Variants in B3GLCT observed in about 807,000 individuals in gnomAD.
B3GLCT encodes the protein beta-1,3-glucosyltransferase.
Under a neutral mutation model 63.4 loss-of-function variants are expected in B3GLCT, and 65 were observed. That is an observed-to-expected ratio of 1.03 (90% CI 0.84 to 1.26). The LOEUF (loss-of-function observed/expected upper bound fraction) is 1.26, where lower values mean the gene tolerates loss of function less well. B3GLCT is among the 50% of genes most tolerant of loss of function. The pLI, the probability that B3GLCT is intolerant of heterozygous loss-of-function variation, is 0.00. For synonymous variants in B3GLCT, 233 were observed against 219.2 expected (o/e 1.06, Z -0.55); for missense variants, 577 against 604.8 (o/e 0.95, Z 0.48).
intron 14 of B3GLCT, among the ~76,000 whole-genome samples, chr13:31,329,121 AC>A (rs1489389805): frequency 6.6e-6 from 1 of 152,166 alleles, no homozygotes; most frequent in African/African-American, 2.4e-5. Flanking sequence ...CAACAAACTT[AC>A]GGCCAGTTTC....
intron 1 of B3GLCT, among the ~76,000 whole-genome samples, chr13:31,202,783 A>C (rs1593240715): frequency 6.6e-6 from 1 of 152,190 alleles, no homozygotes; most frequent in East Asian, 1.9e-4. Context: ...AGTGGATCTG[A>C]GGGATGGAGC....
intron 6 of B3GLCT, chr13:31,260,345 T>G (rs1031977062): frequency 6.6e-6 from 1 of 152,364 alleles, no homozygotes; most frequent in Non-Finnish European, 1.5e-5. Context: ...CATCTCAGTT[T>G]GTTACATCAT....
chr13:31,266,983 C>A (rs1872355686), intron 7 of B3GLCT, among the ~76,000 whole-genome samples: 1 of 152,108 alleles, frequency 6.6e-6, no homozygotes, highest in African/African-American at 2.4e-5. Flanking sequence ...GTTGGCCAGG[C>A]TGGTCTTGAA....
At chr13:31,204,338 A>G (rs894521524) in intron 1 of B3GLCT, among the ~76,000 whole-genome samples, 2 of 152,228 alleles carry the variant, frequency 1.3e-5, no homozygotes, top group African/African-American at 2.4e-5. Context: ...ACAAAGGCAC[A>G]GGACAGTTCC....
chr13:31,239,699 T>C (rs1165633937), intron 4 of B3GLCT, among the ~76,000 whole-genome samples: 31 of 149,702 alleles, frequency 2.1e-4, no homozygotes, highest in Non-Finnish European at 4.0e-4. Flanking sequence ...TTTTTTTTTT[T>C]CCTTCTAGAA....
At chr13:31,238,558 G>A (rs1350454000) in intron 4 of B3GLCT, among the ~76,000 whole-genome samples, 2 of 152,216 alleles carry the variant, frequency 1.3e-5, no homozygotes, top group African/African-American at 4.8e-5. Context: ...TTAGTAGAAT[G>A]CGTATTCTCG....
intron 12 of B3GLCT, among the ~76,000 whole-genome samples, chr13:31,287,171 A>G (rs1308134939): frequency 6.6e-6 from 1 of 152,156 alleles, no homozygotes; most frequent in Non-Finnish European, 1.5e-5. Flanking sequence ...GTCTCAGGAG[A>G]CCAAGGCTAT....
At position 31,323,885 on chromosome 13, in the gene B3GLCT, T is replaced by C. The variant is rs1010301594; in HGVS notation, c.1319T>C (p.Leu440Pro). Residue 440 changes from leucine (L) to proline (P), a missense_variant, in exon 14 of 15, where the codon CTC becomes CCC. By Grantham distance (98) the Leu-to-Pro change is moderately conservative (BLOSUM62 -3). Transcript: ENST00000343307. ...GGAATCCCTGTGACACACAGCCCTC[T>C]CTTCCATCAGGTGAGGAAATGGTTT... ...GLGIPVTHSP[L>P]FHQARPVDYP... is the part of the protein sequence containing the mutation. The C allele has an allele frequency of 1.9e-6, 3 of 1,614,102 alleles. No individual in the cohort carries two copies. In the African/African-American group the frequency reaches 4.0e-5, roughly 22 times the overall value.
chr13:31,233,244 CCG>C (rs1870471803), intron 4 of B3GLCT, among the ~76,000 whole-genome samples: 1 of 152,058 alleles, frequency 6.6e-6, no homozygotes, highest in African/African-American at 2.4e-5. Context: ...CTCAGTGAAA[CCG>C]CAGAGTTTAG....
At chr13:31,210,224 C>T (rs1420846708) in intron 1 of B3GLCT, among the ~76,000 whole-genome samples, 1 of 152,120 alleles carries the variant, frequency 6.6e-6, no homozygotes, top group African/African-American at 2.4e-5. Context: ...AATATAGTTC[C>T]CTGTTGCAGT....
intron 10 of B3GLCT, among the ~76,000 whole-genome samples, chr13:31,283,462 C>T (rs1028234949): frequency 6.6e-6 from 1 of 152,128 alleles, no homozygotes; most frequent in Non-Finnish European, 1.5e-5. Flanking sequence ...TTATTTAGTA[C>T]ATCTTTGACC....
At chr13:31,244,712 TCTG>T (rs1490874831) in intron 4 of B3GLCT, among the ~76,000 whole-genome samples, 1 of 152,170 alleles carries the variant, frequency 6.6e-6, no homozygotes, top group Non-Finnish European at 1.5e-5. Context: ...TAATATTACA[TCTG>T]TTTGGGTCTC....
chr13:31,226,735 A>T lies in B3GLCT; in HGVS notation c.161-2450A>T, dbSNP rs553327249. Among the ~76,000 whole-genome samples the T allele has an allele frequency of 4.0e-4, 61 of 152,262 alleles. No individual in the cohort carries two copies. The East Asian group carries it at 0.011, about 28-fold the overall frequency. On this transcript the variant is annotated intron_variant, in intron 3 of 14. Transcript: ENST00000343307. ...CAGGTGCATGCCACCATGCCCAGCT[A>T]GGATTAACCTTTTGATAGAGAAATC...
intron 12 of B3GLCT, among the ~76,000 whole-genome samples, chr13:31,288,335 A>AT (rs1873453362): frequency 1.3e-5 from 2 of 152,152 alleles, no homozygotes. Context: ...TACTGCCATC[A>AT]TTCACATCAT....
Position 31,319,917 on chromosome 13 carries a change from C to T in B3GLCT, c.1184+2232C>T, listed in dbSNP as rs116563570. Among the ~76,000 whole-genome samples the T allele has an allele frequency of 5.5e-3, 837 of 152,278 alleles. 12 individuals are homozygous for T. Among genetic ancestry groups the T allele is most frequent in the African/African-American group, 0.019 (804 of 41,556 alleles). ...AGGAGTCTGTGAGTCAGCTCTCACCCTTTCTTTCCTTCTTTCCCCACTCCC... is the reference window on the plus strand; with the variant it reads ...AGGAGTCTGTGAGTCAGCTCTCACCTTTTCTTTCCTTCTTTCCCCACTCCC... On this transcript the variant is annotated intron_variant, in intron 13 of 14. Coordinates refer to ENST00000343307, the MANE Select transcript of B3GLCT (RefSeq NM_194318.4).
intron 12 of B3GLCT, among the ~76,000 whole-genome samples, chr13:31,290,011 C>T (rs139505678): frequency 6.6e-6 from 1 of 152,224 alleles, no homozygotes; most frequent in African/African-American, 2.4e-5. Context: ...TGCTACCCCT[C>T]CCCTAGCCAC....
At chr13:31,203,025 A>G (rs1044141093) in intron 1 of B3GLCT, among the ~76,000 whole-genome samples, 1 of 152,236 alleles carries the variant, frequency 6.6e-6, no homozygotes, top group Non-Finnish European at 1.5e-5. Flanking sequence ...AACCAATGAT[A>G]TTGATAAAAT....
Position 31,329,715 on chromosome 13 carries a change from A to T in B3GLCT, c.*47A>T. The T allele has an allele frequency of 6.2e-7, 1 of 1,601,492 alleles. No homozygotes were observed. The highest frequency in any genetic ancestry group is 8.5e-7 in the Non-Finnish European group (1 of 1,170,166). ...AGCCTGCGCAGGGAATGAACTGGAGACTGTGGCCTCATCCCACTGTGCTGT... is the reference window on the plus strand; with the variant it reads ...AGCCTGCGCAGGGAATGAACTGGAGTCTGTGGCCTCATCCCACTGTGCTGT... On this transcript the variant is annotated 3_prime_UTR_variant, in exon 15 of 15. Transcript: ENST00000343307.
chr13:31,256,067 GAATCTACAAAGAACTT>G (rs1871723857), intron 6 of B3GLCT, among the ~76,000 whole-genome samples: 1 of 152,090 alleles, frequency 6.6e-6, no homozygotes, highest in Non-Finnish European at 1.5e-5. Flanking sequence ...CTAATATCTA[GAATCTACAAAGAACTT>G]AAACAAATTT....
Sources: allele counts gnomAD v4.1 joint callset (sites outside exome capture counted in the v4.1 genomes callset), GRCh38; gene constraint gnomAD v4.1.1; transcripts MANE v1.5; gene names NCBI Gene and HGNC (gene_info 2026-07-23, HGNC 2026-07-21).